Variants in SLC9A9 observed in about 807,000 individuals in gnomAD.
SLC9A9 encodes the protein solute carrier family 9 member A9.
A neutral mutation model predicts 77.8 loss-of-function variants in SLC9A9; 62 were observed. That is an observed-to-expected ratio of 0.80 (90% CI 0.65 to 0.98). The LOEUF (loss-of-function observed/expected upper bound fraction) is 0.98. Ranked by LOEUF, SLC9A9 falls within the 50% of genes least tolerant of loss-of-function variation. The pLI is 0.00. For missense variants in SLC9A9, 775 were observed against 774.9 expected, an observed-to-expected ratio of 1.00 and a Z score of 0.00; for synonymous variants, 320 against 283.5, an observed-to-expected ratio of 1.13 and a Z score of -1.29.
intron 9 of SLC9A9, among the ~76,000 whole-genome samples, chr3:143,502,348 C>A (rs1272736914): frequency 7.0e-6 from 1 of 143,082 alleles, no homozygotes; most frequent in Non-Finnish European, 1.5e-5. Context: ...TGTTTAAAAA[C>A]TCTGAACGCT....
intron 4 of SLC9A9, among the ~76,000 whole-genome samples, chr3:143,711,644 AG>A (rs1230287514): frequency 3.4e-5 from 5 of 149,240 alleles, no homozygotes; most frequent in African/African-American, 1.2e-4. Context: ...TTGAATTCCT[AG>A]GCTCAAGTGA....
At chr3:143,775,153 A>G (rs1286045328) in intron 4 of SLC9A9, among the ~76,000 whole-genome samples, 1 of 152,224 alleles carries the variant, frequency 6.6e-6, no homozygotes, top group Admixed American at 6.5e-5. Context: ...AAGTATCAGT[A>G]GACCAAAGAT....
At chr3:143,629,390 G>A (rs1208858098) in intron 6 of SLC9A9, among the ~76,000 whole-genome samples, 8 of 152,150 alleles carry the variant, frequency 5.3e-5, no homozygotes, top group Admixed American at 3.9e-4. Flanking sequence ...GACAATAAAT[G>A]AGTAAACAAA....
intron 12 of SLC9A9, among the ~76,000 whole-genome samples, chr3:143,444,210 C>T (rs762222050): frequency 2.6e-5 from 4 of 152,200 alleles, no homozygotes; most frequent in Admixed American, 6.5e-5. Context: ...ACCCCAGCTA[C>T]GAAATTGTTT....
chr3:143,655,659 C>T, intron 5 of SLC9A9: 1 of 973,804 alleles, frequency 1.0e-6, no homozygotes, highest in East Asian at 1.2e-4. Flanking sequence ...ATCTTATGCT[C>T]AAGGAGATGA....
intron 4 of SLC9A9, among the ~76,000 whole-genome samples, chr3:143,791,444 A>G (rs145520885): frequency 1.3e-5 from 2 of 152,346 alleles, no homozygotes; most frequent in Non-Finnish European, 2.9e-5. Flanking sequence ...GCCCACCAGT[A>G]GAGTTTCATT....
chr3:143,509,149 G>T (rs2036074417), intron 9 of SLC9A9, among the ~76,000 whole-genome samples: 1 of 152,114 alleles, frequency 6.6e-6, no homozygotes. Flanking sequence ...TTTGGGACAT[G>T]ATAAGAAATT....
intron 9 of SLC9A9, among the ~76,000 whole-genome samples, chr3:143,519,062 T>C (rs73146766): frequency 0.029 from 4,410 of 152,334 alleles, 142 homozygotes; most frequent in East Asian, 0.14. Flanking sequence ...CCAGCTACTG[T>C]TGTAGGTGCT....
intron 1 of SLC9A9, among the ~76,000 whole-genome samples, chr3:143,836,143 C>T (rs562597084): frequency 1.3e-5 from 2 of 152,196 alleles, no homozygotes; most frequent in African/African-American, 2.4e-5. Flanking sequence ...AAGTCCCACC[C>T]GTGGGCACCA....
chr3:143,286,828 C>T (rs974240891), intron 14 of SLC9A9, among the ~76,000 whole-genome samples: 1 of 152,180 alleles, frequency 6.6e-6, no homozygotes, highest in Non-Finnish European at 1.5e-5. Flanking sequence ...TAGCATAATA[C>T]TTCCTAGTGT....
intron 6 of SLC9A9, among the ~76,000 whole-genome samples, chr3:143,617,170 G>C (rs774886325): frequency 6.6e-6 from 1 of 152,210 alleles, no homozygotes; most frequent in Non-Finnish European, 1.5e-5. Flanking sequence ...CTATCATCAC[G>C]TGGAGTCTCT....
intron 12 of SLC9A9, among the ~76,000 whole-genome samples, chr3:143,442,272 C>G (rs937305787): frequency 6.6e-6 from 1 of 152,244 alleles, no homozygotes; most frequent in Non-Finnish European, 1.5e-5. Context: ...AGAGCAGCAT[C>G]TCAGTGGAGA....
intron 14 of SLC9A9, among the ~76,000 whole-genome samples, chr3:143,333,163 C>T (rs1049995288): frequency 6.6e-6 from 1 of 152,168 alleles, no homozygotes. Flanking sequence ...ATGCACATTG[C>T]ACAATTGTCC....
At chr3:143,445,890 A>G (rs752903622) in intron 12 of SLC9A9, among the ~76,000 whole-genome samples, 11 of 152,186 alleles carry the variant, frequency 7.2e-5, no homozygotes, top group Non-Finnish European at 1.0e-4. Flanking sequence ...CATTGGACTT[A>G]GCAACGCTGA....
chr3:143,540,786 T>G (rs1326175571), intron 9 of SLC9A9, among the ~76,000 whole-genome samples: 12 of 152,192 alleles, frequency 7.9e-5, no homozygotes, highest in Admixed American at 7.2e-4. Flanking sequence ...AGTCTTCACC[T>G]TGTAGATTTT....
intron 9 of SLC9A9, among the ~76,000 whole-genome samples, chr3:143,550,963 A>G (rs1339057583): frequency 1.3e-5 from 2 of 152,226 alleles, no homozygotes; most frequent in Non-Finnish European, 2.9e-5. Flanking sequence ...CCAGTAGCTC[A>G]AAATGTGACT....
intron 14 of SLC9A9, among the ~76,000 whole-genome samples, chr3:143,279,874 T>C (rs1302849000): frequency 6.6e-6 from 1 of 152,110 alleles, no homozygotes; most frequent in Non-Finnish European, 1.5e-5. Context: ...TAGGCTGGAG[T>C]CCAGTGACAA....
chr3:143,373,646 C>A (rs2033109510), intron 13 of SLC9A9, among the ~76,000 whole-genome samples: 1 of 129,508 alleles, frequency 7.7e-6, no homozygotes. Context: ...TTAAAAATTC[C>A]TGGAACCAAG....
intron 9 of SLC9A9, among the ~76,000 whole-genome samples, chr3:143,529,876 T>G (rs2036475005): frequency 6.6e-6 from 1 of 151,880 alleles, no homozygotes; most frequent in Non-Finnish European, 1.5e-5. Context: ...ATCAAAGGAG[T>G]GCCCTATTTT....
Sources: gnomAD v4.1 joint callset for allele counts (sites outside exome capture counted in the v4.1 genomes callset) on GRCh38, gnomAD v4.1.1 for gene constraint, MANE v1.5 for transcripts, NCBI Gene and HGNC (gene_info 2026-07-23, HGNC 2026-07-21) for gene names.